Variants in BLMH observed in about 807,000 individuals in gnomAD.
The protein encoded by BLMH is BLM hydrolase.
BLMH carries 32 observed loss-of-function variants against 61.6 expected under a neutral mutation model. That is an observed-to-expected ratio of 0.52 (90% CI 0.39 to 0.70). BLMH has a LOEUF of 0.70. Ranked by LOEUF, BLMH falls within the 30% of genes least tolerant of loss-of-function variation. The probability of loss-of-function intolerance (pLI) is 0.00; values close to 1 mark genes in which losing one functional copy is unlikely to be tolerated. For missense variants in BLMH, 460 were observed against 555.5 expected, an observed-to-expected ratio of 0.83 and a Z score of 1.73; for synonymous variants, 183 against 193.8, an observed-to-expected ratio of 0.94 and a Z score of 0.46.
intron 9 of BLMH, chr17:30,272,199 AG>A: frequency 4.0e-6 from 1 of 249,682 alleles, no homozygotes; most frequent in Middle Eastern, 1.4e-3. Flanking sequence ...AAGTTACCAA[AG>A]TAACATAGCA....
chr17:30,274,341 G>A (rs781276975), intron 6 of BLMH, 144 bp from the exon 7 acceptor site: 28 of 912,008 alleles, frequency 3.1e-5, no homozygotes, highest in Admixed American at 1.2e-4. Flanking sequence ...CTAATACTGC[G>A]TCAAAAACTG....
chr17:30,286,771 A>G, intron 5 of BLMH, 43 bp downstream of exon 5: 1 of 1,420,060 alleles, frequency 7.0e-7, no homozygotes, highest in South Asian at 1.2e-5. Flanking sequence ...AGTTTGAAGG[A>G]AAGTACACTA....
chr17:30,268,977 T>C (rs1654238931), intron 10 of BLMH, among the ~76,000 whole-genome samples: 1 of 148,636 alleles, frequency 6.7e-6, no homozygotes, highest in Non-Finnish European at 1.5e-5. Context: ...GAGGTGGAGG[T>C]TGCAGTGAGC....
intron 5 of BLMH, among the ~76,000 whole-genome samples, 200 bp downstream of exon 5, chr17:30,286,614 G>C (rs1908734201): frequency 6.6e-6 from 1 of 152,068 alleles, no homozygotes; most frequent in Admixed American, 6.6e-5. Flanking sequence ...AATAAAAGTG[G>C]AAGTTTTTTA....
chr17:30,271,409 C>T, intron 9 of BLMH, 21 bp from the exon 10 acceptor site: 1 of 1,586,682 alleles, frequency 6.3e-7, no homozygotes, highest in South Asian at 1.1e-5. Context: ...AATGATAGTA[C>T]AAAATAAAGG....
intron 6 of BLMH, among the ~76,000 whole-genome samples, chr17:30,284,585 T>C (rs535590422): frequency 6.6e-6 from 1 of 152,360 alleles, no homozygotes; most frequent in South Asian, 2.1e-4. Flanking sequence ...ACATGGATAG[T>C]ATTAATAATA....
chr17:30,280,662 G>C (rs377537912), intron 6 of BLMH, among the ~76,000 whole-genome samples: 1 of 151,984 alleles, frequency 6.6e-6, no homozygotes, highest in East Asian at 1.9e-4. Flanking sequence ...TTTTCTTGTA[G>C]AGATGGGGTC....
rs768828157 is a variant in BLMH, at chr17:30,248,855, C to T, written c.*162G>A. Reference sequence around the variant, plus strand: ...TTCCTTTAACAGTATTCTGTTTCAGCATAAAGCACACTTTCTGAAGAGGTT... The same window carrying T: ...TTCCTTTAACAGTATTCTGTTTCAGTATAAAGCACACTTTCTGAAGAGGTT... On this transcript the variant is annotated 3_prime_UTR_variant, in exon 12 of 12. Coordinates refer to ENST00000261714, the MANE Select transcript of BLMH (RefSeq NM_000386.4). The T allele has an allele frequency of 4.8e-6, 4 of 838,194 alleles. No homozygotes were observed. Among genetic ancestry groups the T allele is most frequent in the Non-Finnish European group, 7.4e-6 (4 of 537,848 alleles). 51.9% of individuals were successfully genotyped at this position (838,194 alleles called of 1,614,324 possible).
At chr17:30,269,857 T>C (rs748879517) in intron 10 of BLMH, among the ~76,000 whole-genome samples, 84 of 152,340 alleles carry the variant, frequency 5.5e-4, no homozygotes, top group Non-Finnish European at 9.3e-4. Flanking sequence ...TGATCTCATA[T>C]AAAACTGAGA....
At chr17:30,279,424 T>A (rs958010103) in intron 6 of BLMH, among the ~76,000 whole-genome samples, 1 of 152,232 alleles carries the variant, frequency 6.6e-6, no homozygotes, top group South Asian at 2.1e-4. Flanking sequence ...ATTTTATATC[T>A]TTAGCTAATT....
intron 11 of BLMH, among the ~76,000 whole-genome samples, chr17:30,260,527 A>C (rs1567832308): frequency 6.6e-6 from 1 of 152,016 alleles, no homozygotes; most frequent in African/African-American, 2.4e-5. Context: ...ATCTACATAC[A>C]CTATTTCTCA....
chr17:30,266,367 A>G (rs1236127246), intron 11 of BLMH, among the ~76,000 whole-genome samples: 3 of 151,916 alleles, frequency 2.0e-5, no homozygotes, highest in Non-Finnish European at 4.4e-5. Context: ...CTCTACTAAA[A>G]ATACAAAATC....
At chr17:30,289,876 T>C (rs538737478) in intron 2 of BLMH, among the ~76,000 whole-genome samples, 7 of 152,216 alleles carry the variant, frequency 4.6e-5, no homozygotes, top group Non-Finnish European at 1.0e-4. Context: ...GTATTGGGTA[T>C]AACCTTTTTA....
chr17:30,291,137 G>T, intron 2 of BLMH, 174 bp downstream of exon 2: 1 of 771,242 alleles, frequency 1.3e-6, no homozygotes, highest in Non-Finnish European at 2.0e-6. Flanking sequence ...CCACAGAACA[G>T]CAAAACAAAC....
chr17:30,270,998 C>T (rs932251118), intron 10 of BLMH, among the ~76,000 whole-genome samples: 3 of 152,338 alleles, frequency 2.0e-5, no homozygotes, highest in Admixed American at 6.5e-5. Context: ...CCCTTGCTGA[C>T]TTCTCTTTAA....
intron 9 of BLMH, among the ~76,000 whole-genome samples, chr17:30,271,818 A>C (rs1293461328): frequency 6.6e-6 from 1 of 152,220 alleles, no homozygotes; most frequent in African/African-American, 2.4e-5. Flanking sequence ...AATATTGGGG[A>C]ATATTTTTGC....
chr17:30,255,713 A>G (rs1216620461), intron 11 of BLMH, among the ~76,000 whole-genome samples: 2 of 152,188 alleles, frequency 1.3e-5, no homozygotes, highest in East Asian at 1.9e-4. Context: ...CCTGGCCAGC[A>G]TGGTAAAACC....
At position 30,278,632 on chromosome 17, in the gene BLMH, T is replaced by C. The variant is rs529552837; in HGVS notation, c.646-4435A>G. ...CTCCAATGCCTAGAATAGTGTCAGA[T>C]ACATATGTTAAGAAATATTTAACGA... On this transcript the variant is annotated intron_variant, in intron 6 of 11. Transcript: ENST00000261714. 2.6e-5 allele frequency among the ~76,000 whole-genome samples: 4 copies of C among 152,322 alleles called. No homozygotes were observed. The East Asian group carries it at 7.7e-4, about 29-fold the overall frequency.
At chr17:30,274,326 GA>G (rs1908360430) in intron 6 of BLMH, 129 bp from the exon 7 acceptor site, 4 of 1,063,350 alleles carry the variant, frequency 3.8e-6, no homozygotes, top group South Asian at 1.7e-5. Context: ...AATTTCACAA[GA>G]AATCTAATAC....
Sources: allele counts gnomAD v4.1 joint callset (sites outside exome capture counted in the v4.1 genomes callset), GRCh38; gene constraint gnomAD v4.1.1; transcripts MANE v1.5; gene names NCBI Gene and HGNC (gene_info 2026-07-23, HGNC 2026-07-21).